Variants in HERC2 observed in about 807,000 individuals in gnomAD.
The protein encoded by HERC2 is HECT and RLD domain containing E3 ubiquitin protein ligase 2, also known as E3 ubiquitin-protein ligase HERC2.
A neutral mutation model predicts 537.7 loss-of-function variants in HERC2; 102 were observed. The ratio of observed to expected loss-of-function variants is 0.19; its 90% confidence interval spans 0.16 to 0.22. HERC2 has a LOEUF of 0.22. Among genes scored for constraint, HERC2 ranks in the 10% least tolerant of loss-of-function variants. The pLI, the probability that HERC2 is intolerant of heterozygous loss-of-function variation, is 1.00. For synonymous variants in HERC2, 2,224 were observed against 2,466.2 expected (o/e 0.90, Z 2.91); for missense variants, 4,236 against 6,198.2 (o/e 0.68, Z 10.63).
Position 28,111,408 on chromosome 15 carries a change from AAAG to A in HERC2, c.*352_*354del, listed in dbSNP as rs1887632382. On this transcript the variant is annotated 3_prime_UTR_variant, in exon 93 of 93. Coordinates refer to ENST00000261609, the MANE Select transcript of HERC2 (RefSeq NM_004667.6). ...ACTCACGACACTTGAAAGAAAGGAG[AAAG>A]AAAAAAAATCGATTGCACCCACAAG... 2 of 152,132 alleles carry A rather than the reference AAAG, an allele frequency of 1.3e-5. No individual in the cohort carries two copies. The highest frequency in any genetic ancestry group is 5.8e-5 in the African/African-American group (2 of 34,560). The allele number at this position is 152,132 out of a possible 1,614,324, so 9.4% of individuals were successfully genotyped here.
intron 69 of HERC2, among the ~76,000 whole-genome samples, chr15:28,159,484 A>T (rs1893352948): frequency 6.6e-6 from 1 of 151,946 alleles, no homozygotes; most frequent in Admixed American, 6.6e-5. Flanking sequence ...CATTCATTTG[A>T]TCTTCAATCA....
chr15:28,301,131 A>G lies in HERC2; in HGVS notation c.73-1615T>C, dbSNP rs530882225. 8.8e-4 allele frequency among the ~76,000 whole-genome samples: 133 copies of G among 151,976 alleles called. No homozygotes were observed. The East Asian group carries it at 0.019, about 22-fold the overall frequency. Reference sequence around the variant, plus strand: ...CAAAGAAAAAGCTGTTTCCTCAAACATGGCCAGGTGCGGTGGCTCACGCCT... The same window carrying G: ...CAAAGAAAAAGCTGTTTCCTCAAACGTGGCCAGGTGCGGTGGCTCACGCCT... On this transcript the variant is annotated intron_variant, in intron 2 of 92. Transcript: ENST00000261609.
Position 28,168,530 on chromosome 15 carries a change from C to T in HERC2, c.10290G>A (p.Ser3430=), listed in dbSNP as rs748616669. The T allele has an allele frequency of 1.1e-5, 18 of 1,614,048 alleles. No individual in the cohort carries two copies. The highest frequency in any genetic ancestry group is 1.1e-4 in the South Asian group (10 of 91,090). ...CGTCGGAAGGGGCCGCCGAGGAGAA[C>T]GAGGGGCACTCCACCGGGGCGATCA... ...AAMIAPVECP[S]FSSAAPSDAS... is the part of the protein sequence containing the mutation. The change falls in exon 67 of 93, where the codon TCG becomes TCA. Residue 3430 remains serine, a synonymous_variant. Coordinates refer to ENST00000261609, the MANE Select transcript of HERC2 (RefSeq NM_004667.6).
chr15:28,310,492 A>G (rs1449280197), intron 2 of HERC2, among the ~76,000 whole-genome samples: 1 of 152,114 alleles, frequency 6.6e-6, no homozygotes, highest in Non-Finnish European at 1.5e-5. Context: ...TATAAAAAAT[A>G]AAATTAAAAA....
intron 79 of HERC2, among the ~76,000 whole-genome samples, chr15:28,133,732 G>A (rs1022901505): frequency 2.0e-5 from 3 of 152,266 alleles, no homozygotes; most frequent in East Asian, 3.9e-4. Flanking sequence ...CTGTGCACTC[G>A]TATAAACTGT....
In HERC2 at chr15:28,248,679, T is replaced by C; in HGVS notation, c.3108A>G (p.Ser1036=). 3 of 1,614,106 alleles carry C rather than the reference T, an allele frequency of 1.9e-6. No homozygotes were observed. Among genetic ancestry groups the C allele is most frequent in the East Asian group, 4.5e-5 (2 of 44,882 alleles). Residue 1036 remains serine (S), a synonymous_variant, in exon 21 of 93, where the codon TCA becomes TCG. Transcript: ENST00000261609. ...RLKDVARRIS[S]CLDFEQHSRE... The stretch of plus-strand genomic sequence containing the variant: ...GACTGTGTTGCTCAAAGTCCAGACA[T>C]GATGAAATCCGACGGGCAACATCTT...
At chr15:28,249,464 T>TTACCTTCTGCTAAC (rs1904057092) in intron 20 of HERC2, among the ~76,000 whole-genome samples, 1 of 151,992 alleles carries the variant, frequency 6.6e-6, no homozygotes, top group Non-Finnish European at 1.5e-5. Context: ...GAAGGTAAAG[T>TTACCTTCTGCTAAC]TAGGAGAGCA....
At chr15:28,140,288 C>T (rs1891082496) in intron 78 of HERC2, among the ~76,000 whole-genome samples, 1 of 152,038 alleles carries the variant, frequency 6.6e-6, no homozygotes, top group Non-Finnish European at 1.5e-5. Flanking sequence ...CCCACTCCTA[C>T]CCAGAATCAC....
At chr15:28,188,929 A>G (rs980552790) in intron 55 of HERC2, among the ~76,000 whole-genome samples, 1 of 152,092 alleles carries the variant, frequency 6.6e-6, no homozygotes, top group Non-Finnish European at 1.5e-5. Flanking sequence ...CTCTATTAAA[A>G]ATACAAAAAT....
chr15:28,141,474 G>A lies in HERC2; in HGVS notation c.11973C>T (p.Ile3991=), dbSNP rs762974758. 19 of 1,613,954 alleles carry A rather than the reference G, an allele frequency of 1.2e-5. No individual in the cohort carries two copies. The highest frequency in any genetic ancestry group is 2.2e-5 in the South Asian group (2 of 91,084). The part of the protein sequence containing the change: ...ALATLRPVQL[I]GGEQTLFAVT... ...CAGCAAAGAGGGTCTGTTCCCCTCC[G>A]ATTAACTGCACGGGTCTGAGAGTTG... is the stretch of plus-strand genomic sequence containing the variant. The change falls in exon 78 of 93, where the codon ATC becomes ATT. Residue 3991 remains isoleucine (I), a synonymous_variant. Coordinates refer to ENST00000261609, the MANE Select transcript of HERC2 (RefSeq NM_004667.6).
In HERC2 at chr15:28,229,837, T is replaced by C; in HGVS notation, c.4820A>G (p.Gln1607Arg). 7.9e-7 allele frequency: 1 copy of C among 1,271,752 alleles called. No homozygotes were observed. Among genetic ancestry groups the C allele is most frequent in the Non-Finnish European group, 1.1e-6 (1 of 872,380 alleles). 78.8% of individuals were successfully genotyped at this position (1,271,752 alleles called of 1,614,324 possible). A position where few individuals can be genotyped will look rare whatever the true frequency, so the allele number is the denominator to read the frequency against. ...IAIKSPKDKW[Q>R]PLLSTVTGVH... The stretch of plus-strand genomic sequence containing the variant: ...ACCTGTAACAGTACTCAACAGCGGC[T>C]GCCATTTGTCCTAACAAAGGAAAAC... Residue 1607 changes from glutamine (Q) to arginine (R), a missense_variant, in exon 32 of 93, where the codon CAG becomes CGG. Coordinates refer to ENST00000261609, the MANE Select transcript of HERC2 (RefSeq NM_004667.6).
chr15:28,185,140 T>C (rs1049076932), intron 56 of HERC2, among the ~76,000 whole-genome samples: 1 of 151,756 alleles, frequency 6.6e-6, no homozygotes, highest in African/African-American at 2.4e-5. Context: ...ACAAAGTTTC[T>C]GAAATAAAAC....
chr15:28,305,353 G>C (rs1177621626), intron 2 of HERC2, among the ~76,000 whole-genome samples: 2 of 152,038 alleles, frequency 1.3e-5, no homozygotes, highest in African/African-American at 4.8e-5. Flanking sequence ...GAACAGAACA[G>C]AGCCCTCAGA....
chr15:28,304,593 A>G (rs1467457404), intron 2 of HERC2, among the ~76,000 whole-genome samples: 1 of 151,346 alleles, frequency 6.6e-6, no homozygotes, highest in African/African-American at 2.4e-5. Flanking sequence ...CAAACTCCTG[A>G]CCTCAAGTGA....
At chr15:28,169,754 A>G (rs548500520) in intron 65 of HERC2, 99 bp from the exon 66 acceptor site, 1 of 1,121,138 alleles carries the variant, frequency 8.9e-7, no homozygotes, top group African/African-American at 1.6e-5. Context: ...ACACACTGCA[A>G]TCTGCATTTT....
At chr15:28,157,048 G>A (rs1288919992) in intron 69 of HERC2, among the ~76,000 whole-genome samples, 36 of 152,272 alleles carry the variant, frequency 2.4e-4, no homozygotes, top group Non-Finnish European at 4.3e-4. Flanking sequence ...GCTAGATTAC[G>A]TTTATTGATT....
intron 65 of HERC2, among the ~76,000 whole-genome samples, chr15:28,171,857 G>A (rs554902846): frequency 2.0e-5 from 3 of 152,176 alleles, no homozygotes; most frequent in South Asian, 4.1e-4. Context: ...GGCGGATCAC[G>A]AGGTCAGGAG....
At chr15:28,215,576 T>C (rs868704992) in intron 39 of HERC2, 45 bp downstream of exon 39, 4 of 1,511,716 alleles carry the variant, frequency 2.6e-6, no homozygotes, top group Admixed American at 1.8e-5. Flanking sequence ...CTTCAGTACA[T>C]GGAGGCCTCT....
At chr15:28,293,106 G>T in intron 3 of HERC2, 84 bp from the exon 4 acceptor site, 1 of 1,186,260 alleles carries the variant, frequency 8.4e-7, no homozygotes. Flanking sequence ...TCCCCGAAAA[G>T]TTACAACACA....
Sources: allele counts gnomAD v4.1 joint callset (sites outside exome capture counted in the v4.1 genomes callset), GRCh38; gene constraint gnomAD v4.1.1; transcripts MANE v1.5; gene names NCBI Gene and HGNC (gene_info 2026-07-23, HGNC 2026-07-21).